The following SASH1 variants were observed in gnomAD, a reference collection of about 807,000 sequenced individuals.
SASH1 encodes SAM and SH3 domain-containing protein 1.
A neutral mutation model predicts 125.2 loss-of-function variants in SASH1; 44 were observed. The ratio of observed to expected loss-of-function variants is 0.35; its 90% CI spans 0.28 to 0.45. The LOEUF (loss-of-function observed/expected upper bound fraction) is 0.45. Ranked by LOEUF, SASH1 falls within the 20% of genes least tolerant of loss-of-function variation. The pLI is 1.00. For synonymous variants in SASH1, 639 were observed against 649.1 expected (o/e 0.98, Z 0.24); for missense variants, 1,426 against 1,614.5 (o/e 0.88, Z 2.00).
chr6:148,422,188 ACAGGG>A (rs1785131375), intron 2 of SASH1, among the ~76,000 whole-genome samples: 1 of 152,190 alleles, frequency 6.6e-6, no homozygotes, highest in Non-Finnish European at 1.5e-5. Context: ...TGTTTTGCAG[ACAGGG>A]CTGCTTTTAT....
the SASH1 span, among the ~76,000 whole-genome samples, chr6:148,196,955 G>A: frequency 6.6e-6 from 1 of 152,198 alleles, no homozygotes; most frequent in Non-Finnish European, 1.5e-5. Context: ...CGCCTCTGGT[G>A]ACAGGATACT....
intron 4 of SASH1, among the ~76,000 whole-genome samples, chr6:148,463,077 G>A (rs1015049176): frequency 4.6e-5 from 7 of 152,112 alleles, no homozygotes; most frequent in Non-Finnish European, 8.8e-5. Context: ...CTGTAAAGCA[G>A]TAGACTCACT....
chr6:148,470,943 CTTG>C (rs1323857619), intron 5 of SASH1, among the ~76,000 whole-genome samples: 1 of 152,148 alleles, frequency 6.6e-6, no homozygotes, highest in African/African-American at 2.4e-5. Context: ...CCATTCTCTT[CTTG>C]TTGTTAAATC....
chr6:148,262,499 CT>C, the SASH1 span, among the ~76,000 whole-genome samples: 1 of 152,174 alleles, frequency 6.6e-6, no homozygotes, highest in African/African-American at 2.4e-5. Flanking sequence ...GGCCACTAGG[CT>C]AACTGCAGGA....
intron 2 of SASH1, among the ~76,000 whole-genome samples, chr6:148,417,391 C>T (rs1784867406): frequency 6.6e-6 from 1 of 152,024 alleles, no homozygotes. Context: ...TTGAGACCAT[C>T]CTGGCCAACA....
chr6:148,209,222 A>G, the SASH1 span, among the ~76,000 whole-genome samples: 1 of 152,240 alleles, frequency 6.6e-6, no homozygotes, highest in East Asian at 1.9e-4. Context: ...ATGACAAAAT[A>G]TATTTGTCTG....
intron 2 of SASH1, among the ~76,000 whole-genome samples, chr6:148,390,718 G>A (rs1003201842): frequency 2.0e-5 from 3 of 151,370 alleles, no homozygotes; most frequent in Non-Finnish European, 4.4e-5. Context: ...AACCTGGGTG[G>A]CAGAGCTTGC....
chr6:148,375,157 A>AT (rs35931269), intron 1 of SASH1, among the ~76,000 whole-genome samples: 4,710 of 150,832 alleles, frequency 0.031, 218 homozygotes, highest in East Asian at 0.19. Context: ...CACACATCTA[A>AT]TTTTTTGCAT....
the SASH1 span, among the ~76,000 whole-genome samples, chr6:148,229,880 T>G: frequency 6.6e-6 from 1 of 152,022 alleles, no homozygotes; most frequent in Non-Finnish European, 1.5e-5. Flanking sequence ...CCCAGCTAAT[T>G]TTTGTATTTT....
At chr6:148,385,183 G>A (rs1004158414) in intron 1 of SASH1, among the ~76,000 whole-genome samples, 4 of 152,170 alleles carry the variant, frequency 2.6e-5, no homozygotes, top group African/African-American at 4.8e-5. Context: ...ATTATTATCT[G>A]GAGTGAGGAG....
Position 148,548,758 on chromosome 6 carries a change from G to A in SASH1, c.*200G>A, listed in dbSNP as rs1782719609. The A allele has an allele frequency of 1.9e-6, 1 of 538,620 alleles. No homozygotes were observed. The allele number at this position is 538,620 out of a possible 1,614,324, so 33.4% of individuals were successfully genotyped here. A position where few individuals can be genotyped will look rare whatever the true frequency, so the allele number is the denominator to read the frequency against. On this transcript the variant is annotated 3_prime_UTR_variant, in exon 20 of 20. Transcript: ENST00000367467. The stretch of plus-strand genomic sequence containing the variant: ...AGCCCCCTCGAGGAAATAAATTAGT[G>A]CGGTTCTCTTTGACCCCCAAAGACA...
chr6:148,387,053 CTCTTTCTTTCT>C (rs1413230437), intron 1 of SASH1, among the ~76,000 whole-genome samples: 14 of 151,578 alleles, frequency 9.2e-5, no homozygotes, highest in South Asian at 6.3e-4. Context: ...CTTTCTCCCT[CTCTTTCTTTCT>C]TGCTTTCTCC....
intron 7 of SASH1, among the ~76,000 whole-genome samples, chr6:148,481,980 G>C (rs1335126517): frequency 6.6e-6 from 1 of 152,156 alleles, no homozygotes; most frequent in African/African-American, 2.4e-5. Context: ...ATGAGGTGCG[G>C]CTGTACCAAT....
intron 4 of SASH1, chr6:148,440,630 T>C: frequency 3.6e-6 from 2 of 560,350 alleles, no homozygotes; most frequent in Non-Finnish European, 6.3e-6. Context: ...TTACTGATTT[T>C]ACACTTATTG....
At chr6:148,320,930 G>A (rs1780618320) in intron 1 of SASH1, among the ~76,000 whole-genome samples, 1 of 152,166 alleles carries the variant, frequency 6.6e-6, no homozygotes, top group African/African-American at 2.4e-5. Context: ...TCTTCCTTCA[G>A]TACTTCTTAC....
the SASH1 span, among the ~76,000 whole-genome samples, chr6:148,256,356 C>T: frequency 7.2e-5 from 11 of 152,120 alleles, no homozygotes; most frequent in African/African-American, 2.2e-4. Context: ...TTATAAAGTG[C>T]TTTAATTTAT....
the SASH1 span, among the ~76,000 whole-genome samples, chr6:148,255,340 C>G: frequency 6.6e-6 from 1 of 152,192 alleles, no homozygotes. Context: ...TGCACACATT[C>G]CTCGGGTCTC....
intron 4 of SASH1, among the ~76,000 whole-genome samples, chr6:148,456,042 G>A (rs1018844089): frequency 6.6e-6 from 1 of 152,172 alleles, no homozygotes; most frequent in Admixed American, 6.5e-5. Context: ...CGGCCTGCGT[G>A]GCCAGCAGGC....
chr6:148,361,017 A>G (rs1782181088), intron 1 of SASH1, among the ~76,000 whole-genome samples: 1 of 152,178 alleles, frequency 6.6e-6, no homozygotes, highest in Admixed American at 6.5e-5. Flanking sequence ...ACAGATGTGC[A>G]CGGGGGGAAG....
Sources: gnomAD v4.1 joint callset for allele counts (sites outside exome capture counted in the v4.1 genomes callset) on GRCh38, gnomAD v4.1.1 for gene constraint, MANE v1.5 for transcripts, NCBI Gene and HGNC (gene_info 2026-07-23, HGNC 2026-07-21) for gene names.